The following CCDC192 variants were observed in gnomAD, a reference collection of about 807,000 sequenced individuals.
CCDC192 encodes the protein coiled-coil domain containing 192, also known as coiled-coil domain-containing protein 192.
intron 3 of CCDC192, among the ~76,000 whole-genome samples, chr5:127,771,126 G>T (rs1338189751): frequency 6.6e-6 from 1 of 152,154 alleles, no homozygotes; most frequent in Non-Finnish European, 1.5e-5. Context: ...GGAAGATGAA[G>T]TGCCTTACTA....
At chr5:127,723,921 T>C (rs919431210) in intron 2 of CCDC192, among the ~76,000 whole-genome samples, 1 of 152,240 alleles carries the variant, frequency 6.6e-6, no homozygotes, top group African/African-American at 2.4e-5. Context: ...GATATCAGAG[T>C]CCATTGGTTA....
intron 5 of CCDC192, among the ~76,000 whole-genome samples, chr5:127,806,284 A>G (rs1219314566): frequency 3.3e-5 from 5 of 152,026 alleles, no homozygotes; most frequent in Admixed American, 6.6e-5. Flanking sequence ...TCACACAAGG[A>G]CCCTGGCTGG....
chr5:127,826,485 C>A (rs113069813), intron 5 of CCDC192, among the ~76,000 whole-genome samples: 6 of 151,842 alleles, frequency 4.0e-5, no homozygotes, highest in African/African-American at 1.4e-4. Flanking sequence ...CATGTAGGTT[C>A]ATCACAGCAC....
intron 6 of CCDC192, among the ~76,000 whole-genome samples, chr5:127,919,264 C>A (rs886952556): frequency 6.6e-6 from 1 of 152,086 alleles, no homozygotes; most frequent in East Asian, 1.9e-4. Context: ...CTGACAATAT[C>A]TGAAGAGTTC....
intron 2 of CCDC192, among the ~76,000 whole-genome samples, chr5:127,752,052 TG>T (rs1754213751): frequency 6.6e-6 from 1 of 152,136 alleles, no homozygotes; most frequent in Non-Finnish European, 1.5e-5. Flanking sequence ...TCTTTGCCTT[TG>T]GTTTGAACGT....
intron 3 of CCDC192, among the ~76,000 whole-genome samples, chr5:127,789,937 G>A (rs1045406195): frequency 1.3e-5 from 2 of 152,204 alleles, no homozygotes; most frequent in African/African-American, 4.8e-5. Context: ...TCCTCGTGTG[G>A]TAGAGCCCTT....
intron 5 of CCDC192, among the ~76,000 whole-genome samples, chr5:127,848,975 AT>A (rs1715450629): frequency 6.6e-6 from 1 of 152,142 alleles, no homozygotes; most frequent in Non-Finnish European, 1.5e-5. Flanking sequence ...CGTACCTGTA[AT>A]CCCAGCATTT....
intron 5 of CCDC192, among the ~76,000 whole-genome samples, chr5:127,840,699 C>T (rs935617855): frequency 7.9e-5 from 12 of 151,926 alleles, no homozygotes; most frequent in East Asian, 7.7e-4. Context: ...AGACCTATTA[C>T]GACTAAATGT....
intron 2 of CCDC192, among the ~76,000 whole-genome samples, chr5:127,715,745 T>G (rs1258300658): frequency 6.6e-6 from 1 of 152,212 alleles, no homozygotes; most frequent in East Asian, 1.9e-4. Flanking sequence ...TGTGTACCCA[T>G]TTCTTTCATC....
At chr5:127,916,672 A>G (rs1753529294) in intron 6 of CCDC192, among the ~76,000 whole-genome samples, 1 of 152,252 alleles carries the variant, frequency 6.6e-6, no homozygotes, top group African/African-American at 2.4e-5. Context: ...ATGAGCAGTA[A>G]TATTTTGAAA....
At chr5:127,741,356 C>T (rs928750312) in intron 2 of CCDC192, among the ~76,000 whole-genome samples, 2 of 152,142 alleles carry the variant, frequency 1.3e-5, no homozygotes, top group Admixed American at 6.5e-5. Context: ...AGCCAGCACA[C>T]CCAGCCTGTA....
At position 127,707,736 on chromosome 5, in the gene CCDC192, T is replaced by C. The variant is rs1460117465; in HGVS notation, c.90T>C (p.Asp30=). 2.5e-6 allele frequency: 1 copy of C among 398,588 alleles called. No homozygotes were observed. Among genetic ancestry groups the C allele is most frequent in the Non-Finnish European group, 4.4e-6 (1 of 225,908 alleles). The allele number at this position is 398,588 out of a possible 1,614,324, so 24.7% of individuals were successfully genotyped here. A position where few individuals can be genotyped will look rare whatever the true frequency, so the allele number is the denominator to read the frequency against. ...SSMTSGSSES[D]IPQENKVSKA... is the part of the protein sequence containing the mutation. ...TGACGTCTGGAAGTTCAGAGTCAGA[T>C]ATACCACAAGAAAACAAAGTATCGG... Residue 30 remains aspartate (D), a synonymous_variant, in exon 2 of 7, where the codon GAT becomes GAC. Coordinates refer to ENST00000514853, the MANE Select transcript of CCDC192 (RefSeq NM_001317938.2).
In CCDC192 at chr5:127,785,294, C is replaced by G. The variant is rs375304646; in HGVS notation, c.223-11809C>G. 1.4e-5 allele frequency: 7 copies of G among 487,472 alleles called. No individual in the cohort carries two copies. In the East Asian group the frequency reaches 2.7e-4, roughly 19 times the overall value. 30.2% of individuals were successfully genotyped at this position (487,472 alleles called of 1,614,324 possible). ...CCTAGGGGAAGGCAAACATACAAGA[C>G]TGCTTAAAGGGCCAGGACCCAGAGC... On this transcript the variant is annotated intron_variant, in intron 3 of 6. Transcript: ENST00000514853.
At chr5:127,809,088 A>G (rs922460745) in intron 5 of CCDC192, among the ~76,000 whole-genome samples, 1 of 152,216 alleles carries the variant, frequency 6.6e-6, no homozygotes, top group African/African-American at 2.4e-5. Context: ...CTGTTACTTT[A>G]TGAATGTTAA....
intron 2 of CCDC192, among the ~76,000 whole-genome samples, chr5:127,725,588 A>G (rs992243083): frequency 1.3e-5 from 2 of 152,202 alleles, no homozygotes; most frequent in African/African-American, 4.8e-5. Flanking sequence ...TGTGTATTTT[A>G]TACTTAAAAC....
chr5:127,798,977 A>G (rs535781807), intron 5 of CCDC192, among the ~76,000 whole-genome samples: 9 of 152,236 alleles, frequency 5.9e-5, no homozygotes, highest in African/African-American at 2.2e-4. Context: ...CCCTGCCACT[A>G]TTCCTTCCCA....
At chr5:127,939,714 C>T (rs180717657) in intron 6 of CCDC192, among the ~76,000 whole-genome samples, 1 of 150,972 alleles carries the variant, frequency 6.6e-6, no homozygotes, top group Non-Finnish European at 1.5e-5. Context: ...CCTGCGCGCA[C>T]TACTACAGCA....
intron 6 of CCDC192, among the ~76,000 whole-genome samples, chr5:127,909,014 G>A (rs1478561264): frequency 6.6e-6 from 1 of 152,130 alleles, no homozygotes; most frequent in Non-Finnish European, 1.5e-5. Flanking sequence ...AAGAACTCAA[G>A]CTTGGAGAAT....
At chr5:127,736,045 G>A (rs1395939196) in intron 2 of CCDC192, among the ~76,000 whole-genome samples, 1 of 80,250 alleles carries the variant, frequency 1.2e-5, no homozygotes, top group Admixed American at 1.6e-4. Flanking sequence ...TGCCCATTCA[G>A]TATGATATTG....
Sources: gnomAD v4.1 joint callset for allele counts (sites outside exome capture counted in the v4.1 genomes callset) on GRCh38, gnomAD v4.1.1 for gene constraint, MANE v1.5 for transcripts, NCBI Gene and HGNC (gene_info 2026-07-23, HGNC 2026-07-21) for gene names.